Variants in NCSTN observed in about 807,000 individuals in gnomAD.
The protein encoded by NCSTN is nicastrin.
NCSTN carries 22 observed loss-of-function variants against 87.0 expected under a neutral mutation model. That is an observed-to-expected ratio of 0.25 (90% CI 0.18 to 0.36). The LOEUF is 0.36. Among genes scored for constraint, NCSTN ranks in the 10% least tolerant of loss-of-function variants. NCSTN has a pLI of 1.00. For synonymous variants in NCSTN, 306 were observed against 327.1 expected (o/e 0.94, Z 0.69); for missense variants, 693 against 883.3 (o/e 0.78, Z 2.73).
chr1:160,355,990 A>G lies in NCSTN; in HGVS notation c.1551+32A>G, dbSNP rs375650177. ...AGATGGGCCCTAGCTCCTTCTTTCTATTTACACAGCAAGCTGTCCCTATCC... is the reference window on the plus strand; with the variant it reads ...AGATGGGCCCTAGCTCCTTCTTTCTGTTTACACAGCAAGCTGTCCCTATCC... On this transcript the variant is annotated intron_variant, in intron 13 of 16. Coordinates refer to ENST00000294785, the MANE Select transcript of NCSTN (RefSeq NM_015331.3). 5 of 1,560,080 alleles carry G rather than the reference A, an allele frequency of 3.2e-6. No individual in the cohort carries two copies. In the African/African-American group the frequency reaches 4.1e-5, roughly 13 times the overall value.
intron 4 of NCSTN, 111 bp from the exon 5 acceptor site, chr1:160,349,994 A>AG: frequency 2.3e-6 from 3 of 1,331,406 alleles, no homozygotes; most frequent in Non-Finnish European, 3.2e-6. Flanking sequence ...TTGAGTCACC[A>AG]CCTCCTTTTG....
At chr1:160,352,230 C>T in intron 8 of NCSTN, 24 bp downstream of exon 8, 1 of 1,613,716 alleles carries the variant, frequency 6.2e-7, no homozygotes, top group Non-Finnish European at 8.5e-7. Flanking sequence ...GGCTGGGGTG[C>T]AATGGCAGGG....
At chr1:160,344,292 C>G (rs1571195163) in intron 1 of NCSTN, among the ~76,000 whole-genome samples, 1 of 152,104 alleles carries the variant, frequency 6.6e-6, no homozygotes, top group Admixed American at 6.5e-5. Flanking sequence ...TAAGGTTTCT[C>G]TCAATTCTGT....
chr1:160,349,782 G>A, intron 4 of NCSTN, 112 bp downstream of exon 4: 2 of 1,440,170 alleles, frequency 1.4e-6, no homozygotes, highest in Non-Finnish European at 1.9e-6. Flanking sequence ...TGTAGTGTCA[G>A]TAACTGACTC....
At chr1:160,353,558 G>C in intron 10 of NCSTN, 2 of 1,261,842 alleles carry the variant, frequency 1.6e-6, no homozygotes, top group Non-Finnish European at 2.0e-6. Flanking sequence ...TGTCAAGGCT[G>C]CTCTACCCAA....
chr1:160,354,742 A>G (rs578244089), intron 11 of NCSTN, among the ~76,000 whole-genome samples: 6 of 152,290 alleles, frequency 3.9e-5, no homozygotes, highest in South Asian at 4.2e-4. Flanking sequence ...GTAGATGGCC[A>G]TGGTTCAGTG....
chr1:160,353,001 A>G lies in NCSTN; in HGVS notation c.1101+10A>G, dbSNP rs1048828525. On this transcript the variant is annotated intron_variant, in intron 9 of 16. Transcript: ENST00000294785. ...TGTGGAGCTGGGACAGGTATGTGGC[A>G]TGTCCCCCAGCCCCTTCCTTTTTAA... is the stretch of plus-strand genomic sequence containing the variant. The G allele has an allele frequency of 1.2e-6, 2 of 1,606,966 alleles. No homozygotes were observed. The highest frequency in any genetic ancestry group is 1.3e-5 in the African/African-American group (1 of 74,850).
Position 160,353,510 on chromosome 1 carries a change from C to T in NCSTN, c.1179+273C>T, listed in dbSNP as rs188952340. 296 of 1,341,390 alleles carry T rather than the reference C, an allele frequency of 2.2e-4. 1 individual carries two copies. The highest frequency in any genetic ancestry group is 1.1e-4 in the Non-Finnish European group (111 of 1,041,078). The allele number at this position is 1,341,390 out of a possible 1,614,324, so 83.1% of individuals were successfully genotyped here. A position where few individuals can be genotyped will look rare whatever the true frequency, so the allele number is the denominator to read the frequency against. ...CTGCCCATTAAGGATAGGTGAGTGA[C>T]TAGCTCCCTTCTTGCCTTGCTGCCC... On this transcript the variant is annotated intron_variant, in intron 10 of 16. Transcript: ENST00000294785.
chr1:160,351,463 G>A (rs1648835163), intron 6 of NCSTN, 91 bp downstream of exon 6: 2 of 1,477,428 alleles, frequency 1.4e-6, no homozygotes, highest in Non-Finnish European at 9.4e-7. Context: ...CTGTAATAGG[G>A]AAGGAGTAGA....
At chr1:160,355,578 A>C (rs1649084303) in intron 11 of NCSTN, 77 bp from the exon 12 acceptor site, 1 of 1,028,806 alleles carries the variant, frequency 9.7e-7, no homozygotes, top group Non-Finnish European at 1.5e-6. Context: ...GAGTCCCTGC[A>C]TAAGGAGCAT....
At position 160,352,741 on chromosome 1, in the gene NCSTN, G is replaced by A. The variant is rs144432044; in HGVS notation, c.997-146G>A. The A allele has an allele frequency of 1.2e-3, 835 of 722,828 alleles. 12 individuals are homozygous for A. In the African/African-American group the frequency reaches 0.012, roughly 11 times the overall value. The allele number at this position is 722,828 out of a possible 1,614,324, so 44.8% of individuals were successfully genotyped here. On this transcript the variant is annotated intron_variant, in intron 8 of 16. Transcript: ENST00000294785. ...CTGGGAGGTGGGGCCAAGAGAAGCC[G>A]AAAGTCACATGACTGTAAGCTGACT...
chr1:160,352,319 C>A, intron 8 of NCSTN, 113 bp downstream of exon 8: 1 of 1,335,862 alleles, frequency 7.5e-7, no homozygotes, highest in Non-Finnish European at 1.1e-6. Context: ...TTAACCAGCA[C>A]AGAGCTTCTG....
In NCSTN at chr1:160,352,070, T is replaced by C; in HGVS notation, c.860T>C (p.Phe287Ser). The C allele has an allele frequency of 6.2e-7, 1 of 1,614,188 alleles. No individual in the cohort carries two copies. The highest frequency in any genetic ancestry group is 8.5e-7 in the Non-Finnish European group (1 of 1,180,016). The change falls in exon 8 of 17, where the codon TTT (phenylalanine) becomes TCT (serine). Residue 287 changes from phenylalanine (F) to serine (S), a missense_variant. This residue lies in a region of NCSTN where 134 missense variants were observed against 226.0 expected (regional missense o/e 0.59). Transcript: ENST00000294785. The stretch of plus-strand genomic sequence containing the variant: ...TGTACCTAGCTGGATAGTCGTTCCT[T>C]TTTCTGGAATGTGGCCCCAGGGGCT... ...VAATRLDSRSFFWNVAPGAES... is the reference protein window; with the variant it reads ...VAATRLDSRSSFWNVAPGAES...
rs1012178161 is a variant in NCSTN, at chr1:160,358,350, T to A, written c.*79T>A. ...TCCCACTGGGACACAACCACTAATTTGTCACTGGAACCTCCCTGGGCCTGT... is the reference window on the plus strand; with the variant it reads ...TCCCACTGGGACACAACCACTAATTAGTCACTGGAACCTCCCTGGGCCTGT... On this transcript the variant is annotated 3_prime_UTR_variant, in exon 17 of 17. Transcript: ENST00000294785. The A allele has an allele frequency of 5.7e-6, 9 of 1,590,848 alleles. No homozygotes were observed. The African/African-American group carries it at 1.2e-4, about 21-fold the overall frequency.
intron 16 of NCSTN, 39 bp from the exon 17 acceptor site, chr1:160,358,110 G>A (rs201843960): frequency 5.6e-6 from 9 of 1,613,970 alleles, no homozygotes; most frequent in Non-Finnish European, 3.4e-6. Context: ...TGAGTTCTGA[G>A]AATGCCTTTG....
chr1:160,345,938 G>GAAA (rs56358787), intron 2 of NCSTN, among the ~76,000 whole-genome samples: 747 of 59,736 alleles, frequency 0.013, 59 homozygotes, highest in Non-Finnish European at 0.018. Context: ...GACACTGTCT[G>GAAA]AAAAAAAAAA....
At chr1:160,351,645 C>T in intron 6 of NCSTN, 51 bp from the exon 7 acceptor site, 1 of 1,480,942 alleles carries the variant, frequency 6.8e-7, no homozygotes, top group South Asian at 1.1e-5. Flanking sequence ...GCCTTTATAG[C>T]TACCTTCTCC....
Position 160,349,091 on chromosome 1 carries a change from A to C in NCSTN, c.283A>C (p.Met95Leu). 6.2e-7 allele frequency: 1 copy of C among 1,614,154 alleles called. No individual in the cohort carries two copies. Among genetic ancestry groups the C allele is most frequent in the Non-Finnish European group, 8.5e-7 (1 of 1,180,004 alleles). ...GACTGATGGCCCCAACCCCCCTTAC[A>C]TGGTTCTGCTGGAGAGCAAGCATTT... ...VLTDGPNPPY[M>L]VLLESKHFTR... Residue 95 changes from methionine (M) to leucine (L), a missense_variant, in exon 3 of 17, where the codon ATG (methionine) becomes CTG (leucine). Physicochemically the swap from Met to Leu is conservative, Grantham distance 15. Coordinates refer to ENST00000294785, the MANE Select transcript of NCSTN (RefSeq NM_015331.3).
intron 2 of NCSTN, among the ~76,000 whole-genome samples, chr1:160,347,395 T>C (rs1571199974): frequency 6.6e-6 from 1 of 152,334 alleles, no homozygotes; most frequent in East Asian, 1.9e-4. Flanking sequence ...AATAGGTTTC[T>C]TTTCCCTCCC....
Sources: gnomAD v4.1 joint callset for allele counts (sites outside exome capture counted in the v4.1 genomes callset) on GRCh38, gnomAD v4.1.1 for gene constraint, gnomAD v4.1.1 regional missense constraint, MANE v1.5 for transcripts, NCBI Gene and HGNC (gene_info 2026-07-23, HGNC 2026-07-21) for gene names.